Variants in SYNCRIP observed in about 807,000 individuals in gnomAD.
SYNCRIP encodes the protein heterogeneous nuclear ribonucleoprotein Q.
In SYNCRIP, 9 loss-of-function variants were observed where a neutral mutation model predicts 68.9. That is an observed-to-expected ratio of 0.13 (90% CI 0.08 to 0.23). The LOEUF is 0.23. SYNCRIP is among the 10% of genes least tolerant of loss of function. The probability of loss-of-function intolerance (pLI) is 1.00; values close to 1 mark genes in which losing one functional copy is unlikely to be tolerated. For missense variants in SYNCRIP, 414 were observed against 770.6 expected (o/e 0.54, Z 5.48); for synonymous variants, 258 against 254.0 (o/e 1.02, Z -0.15).
In SYNCRIP at chr6:85,622,875, T is replaced by C. The variant is rs112380608; in HGVS notation, c.803-188A>G. Among the ~76,000 whole-genome samples, 1,573 of 152,340 alleles carry C rather than the reference T, an allele frequency of 0.01. 28 individuals carry two copies. Among genetic ancestry groups the C allele is most frequent in the African/African-American group, 0.036 (1,500 of 41,576 alleles). ...TATTTTCCTAATCTGTTTCCAAGTT[T>C]TTCAACACAGAAATCTCCAGAAAAG... On this transcript the variant is annotated intron_variant, in intron 7 of 10. Coordinates refer to ENST00000369622, the MANE Select transcript of SYNCRIP (RefSeq NM_006372.5).
In SYNCRIP at chr6:85,625,584, C is replaced by T. The variant is rs542726454; in HGVS notation, c.667-1472G>A. 7.0e-3 allele frequency among the ~76,000 whole-genome samples: 1,060 copies of T among 152,214 alleles called. 17 individuals are homozygous for T. The highest frequency in any genetic ancestry group is 0.023 in the African/African-American group (973 of 41,526). On this transcript the variant is annotated intron_variant, in intron 6 of 10. Transcript: ENST00000369622. ...TGTATTTTTAGTAGAGACGGGGTTT[C>T]ACCATGTTGGCCAGGCTGGTCTCAA... is the stretch of plus-strand genomic sequence containing the variant.
chr6:85,610,219 A>AT (rs1197264039), downstream of SYNCRIP: 1 of 151,960 alleles, frequency 6.6e-6, no homozygotes, highest in African/African-American at 2.4e-5. Context: ...ATCACTAATC[A>AT]CTACATGCAT....
chr6:85,630,080 G>C (rs552399374), intron 6 of SYNCRIP, among the ~76,000 whole-genome samples: 1 of 152,158 alleles, frequency 6.6e-6, no homozygotes, highest in African/African-American at 2.4e-5. Context: ...ATAACTTGTG[G>C]GCCGGGCACT....
chr6:85,617,374 T>A (rs1386959703), intron 10 of SYNCRIP, among the ~76,000 whole-genome samples: 1 of 152,224 alleles, frequency 6.6e-6, no homozygotes, highest in Non-Finnish European at 1.5e-5. Flanking sequence ...TTATCTAATA[T>A]AATCTCCTAT....
intron 10 of SYNCRIP, 109 bp downstream of exon 10, chr6:85,618,709 T>A: frequency 1.1e-6 from 1 of 924,530 alleles, no homozygotes; most frequent in South Asian, 1.9e-5. Flanking sequence ...TCAAGTCTTC[T>A]TTAAAGAGAT....
chr6:85,621,563 C>A (rs1251419281), intron 8 of SYNCRIP, among the ~76,000 whole-genome samples: 3 of 150,404 alleles, frequency 2.0e-5, no homozygotes, highest in African/African-American at 7.4e-5. Flanking sequence ...TATGATCATG[C>A]CCCTGAACTC....
upstream of SYNCRIP, chr6:85,642,912 A>T (rs1197326878): frequency 6.6e-6 from 1 of 152,460 alleles, no homozygotes; most frequent in Admixed American, 6.6e-5. Context: ...TGGCGGCCGA[A>T]GCTCACGCCG....
chr6:85,617,080 G>A (rs1414109884), intron 10 of SYNCRIP, among the ~76,000 whole-genome samples: 1 of 151,868 alleles, frequency 6.6e-6, no homozygotes, highest in Admixed American at 6.6e-5. Flanking sequence ...CTATGTGAAT[G>A]ACCCCAAGGA....
chr6:85,620,614 T>C (rs982418886), intron 8 of SYNCRIP, among the ~76,000 whole-genome samples: 8 of 152,212 alleles, frequency 5.3e-5, no homozygotes, highest in Non-Finnish European at 1.0e-4. Flanking sequence ...CCACAGAACA[T>C]ACATCTAGAG....
intron 10 of SYNCRIP, among the ~76,000 whole-genome samples, chr6:85,617,794 A>G (rs1037679376): frequency 1.1e-4 from 16 of 152,248 alleles, no homozygotes; most frequent in African/African-American, 3.9e-4. Flanking sequence ...TCAACAGAAA[A>G]TTAACCTTGA....
rs1562087648 is a variant in SYNCRIP, at chr6:85,623,571, A to AAAAAAAAAAAAAAAAAAAAAC, written c.802+405_802+406insGTTTTTTTTTTTTTTTTTTTT. Reference sequence around the variant, plus strand: ...AAAGCAAGACTGTCTCCAAAAAAAAAAAAAAAAAAAAACACTCTGCTACGG... The same window carrying AAAAAAAAAAAAAAAAAAAAAC: ...AAAGCAAGACTGTCTCCAAAAAAAAAAAAAAAAAAAAAAAAAAAAACAAAAAAAAAAAACACTCTGCTACGG... On this transcript the variant is annotated intron_variant, in intron 7 of 10. Transcript: ENST00000369622. 3.7e-4 allele frequency among the ~76,000 whole-genome samples: 55 copies of AAAAAAAAAAAAAAAAAAAAAC among 147,956 alleles called. 1 individual carries two copies. Among genetic ancestry groups the AAAAAAAAAAAAAAAAAAAAAC allele is most frequent in the African/African-American group, 1.3e-3 (52 of 38,536 alleles).
chr6:85,622,820 A>G, intron 7 of SYNCRIP, 133 bp from the exon 8 acceptor site: 1 of 713,930 alleles, frequency 1.4e-6, no homozygotes, highest in Non-Finnish European at 2.3e-6. Flanking sequence ...AGACATCTTT[A>G]TAAAAGACTA....
intron 7 of SYNCRIP, among the ~76,000 whole-genome samples, chr6:85,623,298 T>C (rs1028524725): frequency 1.3e-5 from 2 of 151,978 alleles, no homozygotes; most frequent in Admixed American, 6.6e-5. Flanking sequence ...GCACGGTGGC[T>C]CATACCTGTA....
chr6:85,614,168 A>G lies in SYNCRIP; in HGVS notation c.*588T>C. 1.0e-6 allele frequency: 1 copy of G among 985,886 alleles called. No homozygotes were observed. Among genetic ancestry groups the G allele is most frequent in the Non-Finnish European group, 1.2e-6 (1 of 829,932 alleles). The allele number at this position is 985,886 out of a possible 1,614,324, so 61.1% of individuals were successfully genotyped here. A position where few individuals can be genotyped will look rare whatever the true frequency, so the allele number is the denominator to read the frequency against. On this transcript the variant is annotated 3_prime_UTR_variant, in exon 11 of 11. Transcript: ENST00000369622. Reference sequence around the variant, plus strand: ...GCTATACAATTTGAACCAAATTTGCAGGAAATTTTGTGAAAAACGAATTGT... The same window carrying G: ...GCTATACAATTTGAACCAAATTTGCGGGAAATTTTGTGAAAAACGAATTGT...
At chr6:85,633,388 T>A (rs1173779042) in intron 6 of SYNCRIP, among the ~76,000 whole-genome samples, 1 of 152,072 alleles carries the variant, frequency 6.6e-6, no homozygotes, top group Admixed American at 6.6e-5. Context: ...GTCAGGAGTT[T>A]GAGACCAGCC....
At chr6:85,619,443 T>A in intron 8 of SYNCRIP, 26 bp from the exon 9 acceptor site, 1 of 1,596,662 alleles carries the variant, frequency 6.3e-7, no homozygotes, top group Non-Finnish European at 8.5e-7. Flanking sequence ...TACCCCCCTG[T>A]ATTATTTCCA....
intron 6 of SYNCRIP, among the ~76,000 whole-genome samples, chr6:85,629,315 T>C (rs1807428607): frequency 6.6e-6 from 1 of 152,154 alleles, no homozygotes; most frequent in Non-Finnish European, 1.5e-5. Flanking sequence ...TAGTCTTTCA[T>C]GTTCTATAAA....
rs1808954752 is a variant in SYNCRIP at position 85,640,106 on chromosome 6, TTGA to T, written c.375+112_375+114del. The T allele has an allele frequency of 9.6e-6, 7 of 728,810 alleles. No homozygotes were observed. The Admixed American group carries it at 1.8e-4, about 19-fold the overall frequency. 45.1% of individuals were successfully genotyped at this position (728,810 alleles called of 1,614,324 possible). On this transcript the variant is annotated intron_variant, in intron 4 of 10. Transcript: ENST00000369622. ...ACTTAAAAAAAGGAATTAGGAAAGATTGATGAATTATCTCAACATCTAACATAC... is the reference window on the plus strand; with the variant it reads ...ACTTAAAAAAAGGAATTAGGAAAGATTGAATTATCTCAACATCTAACATAC...
At chr6:85,626,151 A>G (rs1048707231) in intron 6 of SYNCRIP, among the ~76,000 whole-genome samples, 4 of 152,264 alleles carry the variant, frequency 2.6e-5, no homozygotes, top group African/African-American at 9.6e-5. Context: ...ACCTGAATGT[A>G]GCAGAGCTAT....
Sources: gnomAD v4.1 joint callset for allele counts (sites outside exome capture counted in the v4.1 genomes callset) on GRCh38, gnomAD v4.1.1 for gene constraint, MANE v1.5 for transcripts, NCBI Gene and HGNC (gene_info 2026-07-23, HGNC 2026-07-21) for gene names.